LRRC7: variants seen among roughly 807,000 people sequenced by gnomAD.
LRRC7 encodes leucine-rich repeat-containing protein 7.
In LRRC7, 23 loss-of-function variants were observed where a neutral mutation model predicts 175.7. The observed-to-expected ratio is 0.13, with a 90% CI of 0.09 to 0.19. The LOEUF is 0.19. Among genes scored for constraint, LRRC7 ranks in the 10% least tolerant of loss-of-function variants. LRRC7 has a pLI of 1.00. For missense variants in LRRC7, 1,354 were observed against 1,904.7 expected (o/e 0.71, Z 5.38); for synonymous variants, 685 against 680.9 (o/e 1.01, Z -0.09).
At chr1:69,895,064 C>A (rs1645940459) in intron 7 of LRRC7, among the ~76,000 whole-genome samples, 1 of 152,114 alleles carries the variant, frequency 6.6e-6, no homozygotes, top group Non-Finnish European at 1.5e-5. Context: ...AATACAACAT[C>A]TCTACTAAAA....
chr1:70,053,160 A>G lies in LRRC7; in HGVS notation c.4230+15A>G, dbSNP rs1660874524. The G allele has an allele frequency of 1.9e-6, 3 of 1,596,980 alleles. No homozygotes were observed. In the South Asian group the frequency reaches 3.4e-5, roughly 18 times the overall value. On this transcript the variant is annotated intron_variant, in intron 23 of 26. Coordinates refer to ENST00000651989, the MANE Select transcript of LRRC7 (RefSeq NM_001370785.2). The stretch of plus-strand genomic sequence containing the variant: ...TTACTAAGAAGGTAACCAATTTTTA[A>G]TTAACAAGACAAACCATGAACCTTG...
intron 7 of LRRC7, among the ~76,000 whole-genome samples, chr1:69,852,865 G>A (rs1164999038): frequency 2.0e-5 from 3 of 152,220 alleles, no homozygotes; most frequent in Non-Finnish European, 4.4e-5. Context: ...TGATGAAGAA[G>A]TTACAGTGTA....
At chr1:69,919,417 C>G (rs932545281) in intron 7 of LRRC7, 87 of 822,344 alleles carry the variant, frequency 1.1e-4, no homozygotes, top group Admixed American at 4.5e-5. Flanking sequence ...CCCCTCAGGC[C>G]GAGGGTACTA....
chr1:70,118,681 T>C (rs1482630344), intron 26 of LRRC7, among the ~76,000 whole-genome samples: 3 of 152,174 alleles, frequency 2.0e-5, no homozygotes, highest in Non-Finnish European at 4.4e-5. Context: ...TTTCCCTGGT[T>C]GTATGACCTC....
chr1:70,116,434 C>G (rs1292725918), intron 26 of LRRC7, among the ~76,000 whole-genome samples: 1 of 151,886 alleles, frequency 6.6e-6, no homozygotes, highest in Non-Finnish European at 1.5e-5. Flanking sequence ...GTAGTCCCAG[C>G]TACTCGGGAG....
chr1:69,588,522 C>T (rs1646492854), intron 1 of LRRC7, among the ~76,000 whole-genome samples: 1 of 151,900 alleles, frequency 6.6e-6, no homozygotes, highest in Admixed American at 6.6e-5. Context: ...AAAACAAATG[C>T]AATATAGTGG....
At chr1:69,586,630 T>A (rs1201450179) in intron 1 of LRRC7, among the ~76,000 whole-genome samples, 1 of 143,026 alleles carries the variant, frequency 7.0e-6, no homozygotes, top group Non-Finnish European at 1.5e-5. Context: ...TAACTCTTGA[T>A]AACTGTTATT....
chr1:69,652,891 A>G (rs1199902132), intron 1 of LRRC7, among the ~76,000 whole-genome samples: 2 of 152,156 alleles, frequency 1.3e-5, no homozygotes, highest in Admixed American at 6.6e-5. Flanking sequence ...GGGAAAGGAT[A>G]GTTTCTTCAA....
chr1:69,987,824 A>G (rs1234078343), intron 10 of LRRC7, among the ~76,000 whole-genome samples: 1 of 152,124 alleles, frequency 6.6e-6, no homozygotes, highest in Non-Finnish European at 1.5e-5. Flanking sequence ...TTGACTTTTT[A>G]TTTACAAAAT....
chr1:69,590,497 A>G (rs1646587734), intron 1 of LRRC7, among the ~76,000 whole-genome samples: 2 of 152,184 alleles, frequency 1.3e-5, no homozygotes, highest in African/African-American at 2.4e-5. Context: ...ACTCACAATT[A>G]TATCCTGTGC....
chr1:69,865,469 C>CTTTTTTTTTTTTTTTTTTTTTTTT lies in LRRC7; in HGVS notation c.647+27188_647+27211dup, dbSNP rs532063540. ...ATAAGCAAGCTGCTGAAGACAGTTC[C>CTTTTTTTTTTTTTTTTTTTTTTTT]TTTTTTTTTTTTTTTTTTTTTTTTT... On this transcript the variant is annotated intron_variant, in intron 7 of 26. Transcript: ENST00000651989. Among the ~76,000 whole-genome samples the CTTTTTTTTTTTTTTTTTTTTTTTT allele has an allele frequency of 8.0e-3, 408 of 51,252 alleles. 102 individuals are homozygous for CTTTTTTTTTTTTTTTTTTTTTTTT. The highest frequency in any genetic ancestry group is 9.6e-3 in the Non-Finnish European group (283 of 29,412). 33.6% of individuals were successfully genotyped at this position (51,252 alleles called of 152,430 possible). A position where few individuals can be genotyped will look rare whatever the true frequency, so the allele number is the denominator to read the frequency against.
In LRRC7 at chr1:69,911,078, T is replaced by C. The variant is rs540419344; in HGVS notation, c.648-20429T>C. 5.9e-5 allele frequency among the ~76,000 whole-genome samples: 9 copies of C among 152,068 alleles called. No homozygotes were observed. The East Asian group carries it at 1.7e-3, about 29-fold the overall frequency. ...GCACAGTATTAGGGTGGGAGTGACCTGATTTTCCAGGTGCCGTCTGTCACC... is the reference window on the plus strand; with the variant it reads ...GCACAGTATTAGGGTGGGAGTGACCCGATTTTCCAGGTGCCGTCTGTCACC... On this transcript the variant is annotated intron_variant, in intron 7 of 26. Transcript: ENST00000651989.
At chr1:69,704,666 TTTA>T (rs1473285722) in intron 2 of LRRC7, among the ~76,000 whole-genome samples, 2 of 152,052 alleles carry the variant, frequency 1.3e-5, no homozygotes, top group Admixed American at 1.3e-4. Context: ...ACTTTATAAC[TTTA>T]TTATTTCCAG....
intron 8 of LRRC7, among the ~76,000 whole-genome samples, chr1:69,967,314 G>A (rs1651763938): frequency 6.6e-6 from 1 of 152,058 alleles, no homozygotes; most frequent in South Asian, 2.1e-4. Flanking sequence ...AGTAAAGTCT[G>A]AGGTCAGACA....
chr1:69,978,932 GAAAAAAAA>G (rs3069189), intron 8 of LRRC7, among the ~76,000 whole-genome samples: 2 of 126,138 alleles, frequency 1.6e-5, no homozygotes, highest in Non-Finnish European at 3.3e-5. Context: ...GTTTCAGTTA[GAAAAAAAA>G]AAAAAAAAAA....
At chr1:70,082,702 C>T (rs1663290228) in intron 24 of LRRC7, among the ~76,000 whole-genome samples, 1 of 142,104 alleles carries the variant, frequency 7.0e-6, no homozygotes, top group South Asian at 2.4e-4. Context: ...TAGATACATA[C>T]AGAATCAGCT....
At chr1:70,056,577 A>G (rs1254931554) in intron 23 of LRRC7, among the ~76,000 whole-genome samples, 1 of 152,200 alleles carries the variant, frequency 6.6e-6, no homozygotes, top group African/African-American at 2.4e-5. Flanking sequence ...GATTGGTAAT[A>G]TGAACTTCCT....
chr1:69,822,743 G>C (rs1271285125), intron 4 of LRRC7, among the ~76,000 whole-genome samples: 1 of 152,186 alleles, frequency 6.6e-6, no homozygotes, highest in East Asian at 1.9e-4. Flanking sequence ...TGGGTAAAAT[G>C]AAACTATTCT....
At chr1:69,973,342 T>A (rs1652464598) in intron 8 of LRRC7, among the ~76,000 whole-genome samples, 1 of 151,910 alleles carries the variant, frequency 6.6e-6, no homozygotes, top group African/African-American at 2.4e-5. Context: ...CAGTGTATAC[T>A]GCTTGGGTGA....
Sources: allele counts gnomAD v4.1 joint callset (sites outside exome capture counted in the v4.1 genomes callset), GRCh38; gene constraint gnomAD v4.1.1; transcripts MANE v1.5; gene names NCBI Gene and HGNC (gene_info 2026-07-23, HGNC 2026-07-21).